EIF4G3: variants seen among roughly 807,000 people sequenced by gnomAD.
EIF4G3 encodes the protein eukaryotic translation initiation factor 4 gamma 3, also known as eIF-4-gamma 3.
In EIF4G3, 34 loss-of-function variants were observed where a neutral mutation model predicts 186.4. The observed-to-expected ratio is 0.18, with a 90% CI of 0.14 to 0.24. EIF4G3 has a LOEUF of 0.24. Ranked by LOEUF, EIF4G3 falls within the 10% of genes least tolerant of loss-of-function variation. The pLI is 1.00. For synonymous variants in EIF4G3, 673 were observed against 679.5 expected, an observed-to-expected ratio of 0.99 and a Z score of 0.15; for missense variants, 1,536 against 1,948.5, an observed-to-expected ratio of 0.79 and a Z score of 3.99.
At chr1:20,989,434 G>A (rs2080477116) in intron 7 of EIF4G3, among the ~76,000 whole-genome samples, 2 of 151,496 alleles carry the variant, frequency 1.3e-5, no homozygotes. Flanking sequence ...GGAGATGCCT[G>A]TAATCCCAGC....
At chr1:21,114,772 T>A (rs941311487) in intron 2 of EIF4G3, among the ~76,000 whole-genome samples, 2 of 152,210 alleles carry the variant, frequency 1.3e-5, no homozygotes, top group African/African-American at 4.8e-5. Context: ...AAAACTGACA[T>A]TTTGTTTGTT....
intron 14 of EIF4G3, among the ~76,000 whole-genome samples, chr1:20,925,493 C>A (rs2094820801): frequency 6.6e-6 from 1 of 152,160 alleles, no homozygotes; most frequent in Non-Finnish European, 1.5e-5. Context: ...TGCTATTAAT[C>A]ATCTCATTGA....
intron 14 of EIF4G3, 145 bp from the exon 15 acceptor site, chr1:20,905,116 A>G: frequency 1.7e-6 from 1 of 604,932 alleles, no homozygotes; most frequent in Middle Eastern, 4.0e-4. Context: ...TCAAGTGAAC[A>G]ATTGTGTAGT....
rs114393148 is a variant in EIF4G3 at position 20,911,807 on chromosome 1, C to T, written c.1664-6836G>A. On this transcript the variant is annotated intron_variant, in intron 14 of 36. Coordinates refer to ENST00000602326, the MANE Select transcript of EIF4G3 (RefSeq NM_001391906.1). ...GGTATAATAAAGAGATCTTTATTTT[C>T]CTTTTATTTCCTTTCTCTCTCCCTT... Among the ~76,000 whole-genome samples, 598 of 151,862 alleles carry T rather than the reference C, an allele frequency of 3.9e-3. 6 individuals carry two copies. Among genetic ancestry groups the T allele is most frequent in the African/African-American group, 0.014 (560 of 41,406 alleles).
chr1:21,142,336 C>CAA (rs1213770994), intron 2 of EIF4G3, among the ~76,000 whole-genome samples: 4 of 132,090 alleles, frequency 3.0e-5, no homozygotes, highest in African/African-American at 1.1e-4. Context: ...CCCCACTCTA[C>CAA]AAAAAAAAAA....
chr1:21,167,340 C>T (rs933345409), intron 2 of EIF4G3, among the ~76,000 whole-genome samples: 1 of 152,082 alleles, frequency 6.6e-6, no homozygotes, highest in Non-Finnish European at 1.5e-5. Flanking sequence ...TTCCTCCTTC[C>T]TTCAATCACT....
At chr1:20,996,020 A>G (rs1285834258) in intron 7 of EIF4G3, among the ~76,000 whole-genome samples, 1 of 152,180 alleles carries the variant, frequency 6.6e-6, no homozygotes, top group African/African-American at 2.4e-5. Flanking sequence ...TTGTCCCTGG[A>G]TTAAAATTTA....
chr1:20,989,064 AGGG>A (rs1451363601), intron 7 of EIF4G3, among the ~76,000 whole-genome samples: 6 of 9,810 alleles, frequency 6.1e-4, no homozygotes, highest in African/African-American at 4.9e-4. Flanking sequence ...AGAGGAGGGG[AGGG>A]GAGGGGAGGG....
At chr1:21,010,419 CAAAA>C (rs11318361) in intron 4 of EIF4G3, among the ~76,000 whole-genome samples, 2 of 101,164 alleles carry the variant, frequency 2.0e-5, no homozygotes, top group African/African-American at 7.9e-5. Context: ...GACTCTGTCT[CAAAA>C]AAAAAAAAAA....
chr1:21,085,052 T>C (rs1294544239), intron 3 of EIF4G3, among the ~76,000 whole-genome samples: 2 of 151,572 alleles, frequency 1.3e-5, no homozygotes, highest in Non-Finnish European at 2.9e-5. Context: ...CCATTTATTA[T>C]TTAAGAAATG....
intron 3 of EIF4G3, among the ~76,000 whole-genome samples, chr1:21,059,703 A>C (rs2094785462): frequency 6.6e-6 from 1 of 152,216 alleles, no homozygotes; most frequent in Non-Finnish European, 1.5e-5. Flanking sequence ...AGTAATACTT[A>C]AAAACTCAAG....
chr1:21,025,910 A>G (rs192294643), intron 4 of EIF4G3, among the ~76,000 whole-genome samples: 309 of 152,308 alleles, frequency 2.0e-3, no homozygotes, highest in African/African-American at 7.0e-3. Flanking sequence ...TAAAAACCCA[A>G]TAACAAAAAA....
At chr1:20,980,511 A>G in intron 9 of EIF4G3, 63 bp from the exon 10 acceptor site, 1 of 1,122,870 alleles carries the variant, frequency 8.9e-7, no homozygotes, top group Non-Finnish European at 1.2e-6. Flanking sequence ...AAAACATAAT[A>G]AAATAATAAG....
intron 30 of EIF4G3, among the ~76,000 whole-genome samples, chr1:20,839,113 G>C (rs1167770174): frequency 6.6e-6 from 1 of 152,148 alleles, no homozygotes; most frequent in Non-Finnish European, 1.5e-5. Flanking sequence ...GGGTAGCTGG[G>C]ATTACAGGTG....
chr1:21,099,281 T>C (rs1048221971), intron 2 of EIF4G3, among the ~76,000 whole-genome samples: 6 of 152,184 alleles, frequency 3.9e-5, no homozygotes, highest in Admixed American at 3.3e-4. Flanking sequence ...CCAACATAAA[T>C]GACAACTTAA....
At chr1:20,932,647 G>A (rs563996615) in intron 14 of EIF4G3, among the ~76,000 whole-genome samples, 5 of 152,134 alleles carry the variant, frequency 3.3e-5, no homozygotes, top group Middle Eastern at 3.4e-3. Flanking sequence ...AAGAACTGCC[G>A]GTTGGTGGAG....
intron 2 of EIF4G3, among the ~76,000 whole-genome samples, chr1:21,147,356 T>C (rs1452868165): frequency 6.6e-6 from 1 of 152,138 alleles, no homozygotes; most frequent in Non-Finnish European, 1.5e-5. Flanking sequence ...TTTTTTTTCT[T>C]CTGAGACAGA....
chr1:21,114,132 T>C (rs1192440966), intron 2 of EIF4G3, among the ~76,000 whole-genome samples: 1 of 152,188 alleles, frequency 6.6e-6, no homozygotes, highest in African/African-American at 2.4e-5. Flanking sequence ...ATTCTAATTT[T>C]CACTTGAAAG....
At chr1:21,010,478 A>G (rs147694755) in intron 4 of EIF4G3, among the ~76,000 whole-genome samples, 11 of 152,142 alleles carry the variant, frequency 7.2e-5, no homozygotes, top group African/African-American at 2.6e-4. Context: ...AAAAGAAAAC[A>G]TGTAACAAAA....
Sources: gnomAD v4.1 joint callset for allele counts (sites outside exome capture counted in the v4.1 genomes callset) on GRCh38, gnomAD v4.1.1 for gene constraint, MANE v1.5 for transcripts, NCBI Gene and HGNC (gene_info 2026-07-23, HGNC 2026-07-21) for gene names.